The following HIVEP3 variants were observed in gnomAD, a reference collection of about 807,000 sequenced individuals.
HIVEP3 encodes transcription factor HIVEP3.
HIVEP3 carries 49 observed loss-of-function variants against 152.8 expected under a neutral mutation model. The ratio of observed to expected loss-of-function variants is 0.32; its 90% CI spans 0.26 to 0.41. The LOEUF (loss-of-function observed/expected upper bound fraction) is 0.41. Among genes scored for constraint, HIVEP3 ranks in the 10% least tolerant of loss-of-function variants. The pLI is 1.00. For synonymous variants in HIVEP3, 1,269 were observed against 1,289.0 expected (o/e 0.98, Z 0.33); for missense variants, 2,790 against 3,103.3 (o/e 0.90, Z 2.40).
At chr1:41,882,752 T>C (rs1334203011) in intron 1 of HIVEP3, among the ~76,000 whole-genome samples, 1 of 152,120 alleles carries the variant, frequency 6.6e-6, no homozygotes, top group Non-Finnish European at 1.5e-5. Context: ...CAGTGTGTGT[T>C]CAAGAAATAT....
Position 41,897,792 on chromosome 1 carries a change from A to C in HIVEP3, c.-801+20621T>G, listed in dbSNP as rs979694260. On this transcript the variant is annotated intron_variant, in intron 1 of 8. Transcript: ENST00000372583. ...AGAAGAGCCTAACGTGTGGTCATGG[A>C]GAGAATCTTTGTCAGGCCCCAGATC... Among the ~76,000 whole-genome samples, 5 of 152,120 alleles carry C rather than the reference A, an allele frequency of 3.3e-5. No individual in the cohort carries two copies. In the East Asian group the frequency reaches 5.8e-4, roughly 18 times the overall value.
intron 1 of HIVEP3, among the ~76,000 whole-genome samples, chr1:41,899,403 T>TTTTA (rs752495823): frequency 7.2e-5 from 11 of 152,168 alleles, no homozygotes; most frequent in African/African-American, 1.4e-4. Flanking sequence ...CTGTTTTTTA[T>TTTTA]TTTATTTATT....
intron 1 of HIVEP3, among the ~76,000 whole-genome samples, chr1:41,877,025 A>G (rs1644181274): frequency 1.3e-5 from 2 of 152,198 alleles, no homozygotes; most frequent in African/African-American, 4.8e-5. Context: ...GGCCATGTGC[A>G]TTGAGAGGTT....
intron 1 of HIVEP3, among the ~76,000 whole-genome samples, chr1:42,004,904 T>C (rs1271685877): frequency 3.3e-5 from 5 of 152,252 alleles, no homozygotes; most frequent in Non-Finnish European, 7.3e-5. Flanking sequence ...AAATAGCTCC[T>C]AACAGATGTG....
chr1:41,513,752 T>C lies in HIVEP3; in HGVS notation c.5471-2A>G. On this transcript the variant is annotated splice_acceptor_variant, in intron 7 of 8. Coordinates refer to ENST00000372583, the MANE Select transcript of HIVEP3 (RefSeq NM_024503.5). LOFTEE classifies it high-confidence loss of function. ...CCTGGAACAGGTCGTCACTGGTTCCTGAGGGCAAACACAGAAGACCCAAGG... is the reference window on the plus strand; with the variant it reads ...CCTGGAACAGGTCGTCACTGGTTCCCGAGGGCAAACACAGAAGACCCAAGG... 6.4e-7 allele frequency: 1 copy of C among 1,551,850 alleles called. No homozygotes were observed.
intron 1 of HIVEP3, among the ~76,000 whole-genome samples, chr1:41,859,669 G>T (rs1342737439): frequency 6.6e-6 from 1 of 152,178 alleles, no homozygotes; most frequent in Non-Finnish European, 1.5e-5. Context: ...AAATAGGTGT[G>T]AGCCCATCTC....
chr1:41,644,449 C>G (rs1645426884), intron 2 of HIVEP3, among the ~76,000 whole-genome samples: 1 of 152,148 alleles, frequency 6.6e-6, no homozygotes, highest in South Asian at 2.1e-4. Context: ...CTCTAAGGAC[C>G]CCTTCTGTTT....
At chr1:41,819,927 C>A (rs140791005) in intron 1 of HIVEP3, among the ~76,000 whole-genome samples, 100 of 152,184 alleles carry the variant, frequency 6.6e-4, no homozygotes, top group African/African-American at 2.3e-3. Flanking sequence ...GCTTTGCAGG[C>A]CATACAGTCT....
At chr1:41,590,022 TC>T (rs1316078481) in intron 3 of HIVEP3, among the ~76,000 whole-genome samples, 2 of 152,210 alleles carry the variant, frequency 1.3e-5, no homozygotes, top group African/African-American at 4.8e-5. Context: ...CAGTGCCCCT[TC>T]TAAAAATCTC....
intron 1 of HIVEP3, among the ~76,000 whole-genome samples, chr1:41,882,291 T>A (rs702226): frequency 0.87 from 132,154 of 152,176 alleles, 57,703 homozygotes; most frequent in East Asian, 1. Flanking sequence ...GGGAAAAGGA[T>A]CGTAAAGACT....
intron 1 of HIVEP3, among the ~76,000 whole-genome samples, chr1:41,933,477 A>C (rs1301079472): frequency 1.3e-5 from 2 of 152,140 alleles, no homozygotes; most frequent in African/African-American, 4.8e-5. Flanking sequence ...ATAGTAATAT[A>C]AAGACTTCAG....
At chr1:41,688,197 G>A (rs7519498) in intron 2 of HIVEP3, among the ~76,000 whole-genome samples, 5 of 152,128 alleles carry the variant, frequency 3.3e-5, no homozygotes, top group African/African-American at 7.2e-5. Flanking sequence ...AGTTCCTCTC[G>A]TCTGACCCCT....
chr1:42,011,273 G>T (rs892212586), intron 1 of HIVEP3, among the ~76,000 whole-genome samples: 1 of 152,130 alleles, frequency 6.6e-6, no homozygotes, highest in Non-Finnish European at 1.5e-5. Flanking sequence ...GAGTTTCAGA[G>T]TATCTGGAAA....
intron 5 of HIVEP3, among the ~76,000 whole-genome samples, chr1:41,575,261 G>C (rs1394381061): frequency 1.3e-5 from 2 of 152,202 alleles, no homozygotes; most frequent in African/African-American, 4.8e-5. Context: ...TAGAAACCTG[G>C]CCAGGATCTG....
chr1:41,868,192 TG>T (rs1178797277), intron 1 of HIVEP3, among the ~76,000 whole-genome samples: 1 of 72,252 alleles, frequency 1.4e-5, no homozygotes, highest in African/African-American at 4.4e-5. Flanking sequence ...TAATAGTTTG[TG>T]GGGGTTTTTT....
intron 1 of HIVEP3, among the ~76,000 whole-genome samples, chr1:41,846,050 T>C (rs879945104): frequency 2.0e-5 from 3 of 151,934 alleles, no homozygotes; most frequent in African/African-American, 4.8e-5. Context: ...GGCAACAGAG[T>C]GAGACTCCAT....
chr1:41,544,244 TCCTCTAGCACTACA>T (rs1643605425), intron 5 of HIVEP3: 1 of 152,052 alleles, frequency 6.6e-6, no homozygotes, highest in African/African-American at 2.4e-5. Context: ...ACATCTGTGA[TCCTCTAGCACTACA>T]GTGCATTCTC....
At chr1:41,538,873 A>G (rs1211938425) in intron 5 of HIVEP3, among the ~76,000 whole-genome samples, 6 of 152,096 alleles carry the variant, frequency 3.9e-5, no homozygotes, top group Non-Finnish European at 7.4e-5. Flanking sequence ...AGCCATGAGC[A>G]GCCCTGGCCT....
At chr1:41,599,299 A>C (rs1330719630) in intron 3 of HIVEP3, among the ~76,000 whole-genome samples, 1 of 152,236 alleles carries the variant, frequency 6.6e-6, no homozygotes, top group African/African-American at 2.4e-5. Context: ...AAGATTAAAC[A>C]ATAAAGCTTG....
Sources: allele counts gnomAD v4.1 joint callset (sites outside exome capture counted in the v4.1 genomes callset), GRCh38; gene constraint gnomAD v4.1.1; transcripts MANE v1.5; gene names NCBI Gene and HGNC (gene_info 2026-07-23, HGNC 2026-07-21).